CCDC60: variants seen among roughly 807,000 people sequenced by gnomAD.
CCDC60 encodes the protein coiled-coil domain-containing protein 60.
Under a neutral mutation model 63.5 loss-of-function variants are expected in CCDC60, and 54 were observed. The observed-to-expected ratio is 0.85, with a 90% CI of 0.68 to 1.07. The LOEUF (loss-of-function observed/expected upper bound fraction) is 1.07. Among genes scored for constraint, CCDC60 ranks in the 50% least tolerant of loss-of-function variants. CCDC60 has a pLI of 0.00. For synonymous variants in CCDC60, 206 were observed against 238.8 expected (o/e 0.86, Z 1.27); for missense variants, 651 against 684.3 (o/e 0.95, Z 0.54).
At chr12:119,419,547 T>C (rs1035443135) in intron 1 of CCDC60, among the ~76,000 whole-genome samples, 17 of 152,194 alleles carry the variant, frequency 1.1e-4, no homozygotes, top group African/African-American at 4.1e-4. Flanking sequence ...CTCGTTTCCT[T>C]TGTAACGAAT....
chr12:119,384,397 G>A (rs1956039501), intron 1 of CCDC60, among the ~76,000 whole-genome samples: 1 of 152,148 alleles, frequency 6.6e-6, no homozygotes, highest in Admixed American at 6.5e-5. Context: ...AAGGCAGCTG[G>A]GTGATGAGTT....
At chr12:119,524,719 TTC>T (rs1199630976) in intron 11 of CCDC60, among the ~76,000 whole-genome samples, 56 of 142,420 alleles carry the variant, frequency 3.9e-4, no homozygotes, top group African/African-American at 1.4e-3. Flanking sequence ...TTCTTTTCTT[TTC>T]TTTTTTTTTT....
chr12:119,502,822 T>C lies in CCDC60; in HGVS notation c.649-2247T>C, dbSNP rs189890728. Among the ~76,000 whole-genome samples the C allele has an allele frequency of 2.1e-4, 32 of 152,294 alleles. 2 individuals carry two copies. The highest frequency in any genetic ancestry group is 1.7e-3 in the Admixed American group (26 of 15,300). On this transcript the variant is annotated intron_variant, in intron 6 of 13. Coordinates refer to ENST00000327554, the MANE Select transcript of CCDC60 (RefSeq NM_178499.5). ...GGTACCCTGACTCTGACTCCAGTGC[T>C]CACTGCAAGATTCCAAGCTGCCTCA...
intron 2 of CCDC60, among the ~76,000 whole-genome samples, chr12:119,451,520 G>C (rs1950636133): frequency 6.6e-6 from 1 of 152,116 alleles, no homozygotes; most frequent in Non-Finnish European, 1.5e-5. Context: ...TTCCCCAAGG[G>C]TCTTTTCACT....
Position 119,472,149 on chromosome 12 carries a change from G to T in CCDC60, c.326G>T (p.Gly109Val). 3 of 1,614,000 alleles carry T rather than the reference G, an allele frequency of 1.9e-6. No homozygotes were observed. Among genetic ancestry groups the T allele is most frequent in the Non-Finnish European group, 2.5e-6 (3 of 1,179,978 alleles). ...GAAAAGATCTCAGAAATCCACTATG[G>T]GGACACCTTATTGAGGTAAGTGGAT... The part of the protein sequence containing the change: ...PAEKISEIHY[G>V]DTLLSTYDDE... The change falls in exon 3 of 14, where the codon GGG (glycine) becomes GTG (valine). Residue 109 changes from glycine (G) to valine (V), a missense_variant. By Grantham distance (109) the Gly-to-Val change is moderately radical (BLOSUM62 -3). Transcript: ENST00000327554.
intron 1 of CCDC60, among the ~76,000 whole-genome samples, chr12:119,383,927 T>C (rs1593006482): frequency 2.0e-5 from 3 of 152,186 alleles, no homozygotes; most frequent in Admixed American, 2.0e-4. Flanking sequence ...CCGGGCGCGG[T>C]GGCTCACGCC....
intron 1 of CCDC60, among the ~76,000 whole-genome samples, chr12:119,399,532 C>T (rs1278483957): frequency 5.9e-5 from 9 of 152,122 alleles, no homozygotes; most frequent in Non-Finnish European, 4.4e-5. Context: ...CAGTGCGTGT[C>T]GGGTGCAGAC....
intron 2 of CCDC60, among the ~76,000 whole-genome samples, chr12:119,470,521 G>A (rs1023994364): frequency 6.6e-6 from 1 of 152,138 alleles, no homozygotes; most frequent in African/African-American, 2.4e-5. Flanking sequence ...ATTCCCAATG[G>A]ACATTTGTAA....
intron 7 of CCDC60, among the ~76,000 whole-genome samples, 191 bp from the exon 8 acceptor site, chr12:119,516,432 C>T (rs1038489456): frequency 3.3e-5 from 5 of 152,184 alleles, no homozygotes; most frequent in Non-Finnish European, 7.3e-5. Context: ...TAAGCAGGGG[C>T]GTGGCATGGT....
Position 119,463,174 on chromosome 12 carries a change from T to A in CCDC60, c.171-8820T>A, listed in dbSNP as rs116691903. Among the ~76,000 whole-genome samples the A allele has an allele frequency of 3.9e-3, 599 of 152,256 alleles. 3 individuals carry two copies. Among genetic ancestry groups the A allele is most frequent in the African/African-American group, 0.014 (572 of 41,554 alleles). ...CTACAGACCACAGTCTGTCTCAGGA[T>A]CCAACAGGTCACTCTGACAGCCTTC... On this transcript the variant is annotated intron_variant, in intron 2 of 13. Coordinates refer to ENST00000327554, the MANE Select transcript of CCDC60 (RefSeq NM_178499.5).
chr12:119,410,205 G>C lies in CCDC60; in HGVS notation c.91-18478G>C, dbSNP rs936610946. On this transcript the variant is annotated intron_variant, in intron 1 of 13. Transcript: ENST00000327554. The surrounding 1 kb of genome is among the most constrained non-coding windows in gnomAD (Gnocchi z 4.0). Reference sequence around the variant, plus strand: ...AGAGTGTGTGTGTGTGTGTGTCTGTGTGTGTGTGTGTGTGTGGTTTCCAAA... The same window carrying C: ...AGAGTGTGTGTGTGTGTGTGTCTGTCTGTGTGTGTGTGTGTGGTTTCCAAA... 4.7e-5 allele frequency among the ~76,000 whole-genome samples: 7 copies of C among 150,316 alleles called. No homozygotes were observed. Among genetic ancestry groups the C allele is most frequent in the South Asian group, 2.1e-4 (1 of 4,786 alleles).
intron 2 of CCDC60, among the ~76,000 whole-genome samples, chr12:119,452,161 C>T (rs1156956501): frequency 6.6e-6 from 1 of 152,192 alleles, no homozygotes; most frequent in Non-Finnish European, 1.5e-5. Context: ...TTTCACTCAT[C>T]ACCTACTCAT....
chr12:119,418,457 C>T, intron 1 of CCDC60, among the ~76,000 whole-genome samples: 1 of 120,366 alleles, frequency 8.3e-6, no homozygotes. Flanking sequence ...CTCTGTTCCC[C>T]AGGCTGGAGT....
In CCDC60 at chr12:119,456,052, AAAGAAAGAAAGC is replaced by A. The variant is rs1371102845; in HGVS notation, c.171-15938_171-15927del. On this transcript the variant is annotated intron_variant, in intron 2 of 13. Coordinates refer to ENST00000327554, the MANE Select transcript of CCDC60 (RefSeq NM_178499.5). The surrounding 1 kb of genome is among the most constrained non-coding windows in gnomAD (Gnocchi z 4.6). ...GAAAGAAAGAAAGAAAGAAAGAAAG[AAAGAAAGAAAGC>A]AAGCAAGCATGTGCAATTTCAAGGG... is the stretch of plus-strand genomic sequence containing the variant. 5.3e-3 allele frequency among the ~76,000 whole-genome samples: 602 copies of A among 114,014 alleles called. 22 individuals are homozygous for A. The highest frequency in any genetic ancestry group is 9.9e-3 in the African/African-American group (341 of 34,300). The allele number at this position is 114,014 out of a possible 152,430, so 74.8% of individuals were successfully genotyped here.
intron 6 of CCDC60, among the ~76,000 whole-genome samples, chr12:119,502,458 T>TA (rs1445713066): frequency 2.0e-5 from 3 of 152,078 alleles, no homozygotes; most frequent in Admixed American, 6.6e-5. Context: ...GAGTGAAATA[T>TA]AAAAAATAGA....
chr12:119,349,807 T>G (rs1403617529), intron 1 of CCDC60, among the ~76,000 whole-genome samples: 2 of 152,210 alleles, frequency 1.3e-5, no homozygotes, highest in Non-Finnish European at 2.9e-5. Flanking sequence ...GTTCATTGAA[T>G]GAAGCCTGGG....
chr12:119,373,849 C>A (rs372153617), intron 1 of CCDC60, among the ~76,000 whole-genome samples: 2 of 152,190 alleles, frequency 1.3e-5, no homozygotes, highest in East Asian at 3.8e-4. Flanking sequence ...ACATTTTTCA[C>A]GTTTCATTTG....
At chr12:119,436,620 C>T (rs1950331123) in intron 2 of CCDC60, among the ~76,000 whole-genome samples, 1 of 151,228 alleles carries the variant, frequency 6.6e-6, no homozygotes, top group South Asian at 2.1e-4. Flanking sequence ...CTCACTGCAA[C>T]CTCCGCCTCC....
rs146653361 is a variant in CCDC60, at chr12:119,391,717, C to T, written c.91-36966C>T. On this transcript the variant is annotated intron_variant, in intron 1 of 13. Transcript: ENST00000327554. ...GCTGTTATTACTGTTGTTGTTGGTA[C>T]TCCTAGAGAAAGCTAAAAGAATTTT... 1.5e-3 allele frequency among the ~76,000 whole-genome samples: 227 copies of T among 152,362 alleles called. 1 individual carries two copies. Among genetic ancestry groups the T allele is most frequent in the African/African-American group, 5.1e-3 (211 of 41,590 alleles).
Sources: allele counts gnomAD v4.1 joint callset (sites outside exome capture counted in the v4.1 genomes callset), GRCh38; gene constraint gnomAD v4.1.1; non-coding constraint Gnocchi (gnomAD v3.1); transcripts MANE v1.5; gene names NCBI Gene and HGNC (gene_info 2026-07-23, HGNC 2026-07-21).